The following MTG1 variants were observed in gnomAD, a reference collection of about 807,000 sequenced individuals.
MTG1 encodes the protein mitochondrial ribosome associated GTPase 1.
In MTG1, 30 loss-of-function variants were observed where a neutral mutation model predicts 39.5. The observed-to-expected ratio is 0.76, with a 90% CI of 0.57 to 1.03. The LOEUF is 1.03. MTG1 is among the 50% of genes least tolerant of loss of function. The pLI, the probability that MTG1 is intolerant of heterozygous loss-of-function variation, is 0.00. For synonymous variants in MTG1, 217 were observed against 179.0 expected (o/e 1.21, Z -1.69); for missense variants, 513 against 447.4 (o/e 1.15, Z -1.32).
chr10:133,416,214 G>C (rs1346586113), intron 9 of MTG1, among the ~76,000 whole-genome samples: 1 of 151,996 alleles, frequency 6.6e-6, no homozygotes, highest in Non-Finnish European at 1.5e-5. Context: ...ACTTCCGCAA[G>C]TTGAGTTTGG....
rs148124435 is a variant in MTG1 at position 133,420,123 on chromosome 10, C to G, written c.963C>G (p.Leu321=). 6.2e-6 allele frequency: 10 copies of G among 1,613,108 alleles called. No individual in the cohort carries two copies. Among genetic ancestry groups the G allele is most frequent in the East Asian group, 2.2e-5 (1 of 44,864 alleles). Reference sequence around the variant, plus strand: ...TGCTGGGTTCCGTGATGCTGGACCTCGACGTCCTGCGGGGCCACCCCCCGG... The same window carrying G: ...TGCTGGGTTCCGTGATGCTGGACCTGGACGTCCTGCGGGGCCACCCCCCGG... ...RGLLGSVMLD[L]DVLRGHPPAE... Residue 321 remains leucine (L), a synonymous_variant, in exon 11 of 11, where the codon CTC becomes CTG. Coordinates refer to ENST00000317502, the MANE Select transcript of MTG1 (RefSeq NM_138384.4).
At chr10:133,416,514 T>A (rs1164122588) in intron 9 of MTG1, among the ~76,000 whole-genome samples, 3 of 150,552 alleles carry the variant, frequency 2.0e-5, no homozygotes, top group Non-Finnish European at 4.4e-5. Context: ...TAACTCGTCA[T>A]TTAGCATTAG....
At chr10:133,403,341 T>C (rs2256307) in intron 9 of MTG1, among the ~76,000 whole-genome samples, 131 of 8,530 alleles carry the variant, frequency 0.015, 1 homozygote, top group Non-Finnish European at 0.026. Context: ...ATCAAGGAAA[T>C]GAGCGTTCCC....
At chr10:133,394,388 C>G in intron 1 of MTG1, 56 bp downstream of exon 1, 1 of 1,382,084 alleles carries the variant, frequency 7.2e-7, no homozygotes, top group Non-Finnish European at 9.4e-7. Flanking sequence ...GCCTCTGCTT[C>G]CCTCCCACCC....
Position 133,401,837 on chromosome 10 carries a change from G to C in MTG1, c.573+247G>C, listed in dbSNP as rs1283281778. The C allele has an allele frequency of 1.1e-5, 7 of 661,788 alleles. No homozygotes were observed. In the East Asian group the frequency reaches 1.6e-4, roughly 15 times the overall value. 41.0% of individuals were successfully genotyped at this position (661,788 alleles called of 1,614,324 possible). On this transcript the variant is annotated intron_variant, in intron 7 of 10. Transcript: ENST00000317502. ...TTCCAGATGAGGAGGCCACTGTCCAGGGCCATGCAGTGGTCAGGACAGACC... is the reference window on the plus strand; with the variant it reads ...TTCCAGATGAGGAGGCCACTGTCCACGGCCATGCAGTGGTCAGGACAGACC...
chr10:133,416,018 CGTG>C lies in MTG1; in HGVS notation c.753-3460_753-3458del, dbSNP rs1424433989. 1.6e-4 allele frequency among the ~76,000 whole-genome samples: 11 copies of C among 69,916 alleles called. No homozygotes were observed. In the East Asian group the frequency reaches 4.2e-3, roughly 27 times the overall value. The allele number at this position is 69,916 out of a possible 152,430, so 45.9% of individuals were successfully genotyped here. Reference sequence around the variant, plus strand: ...GTGTCGGGCAGGCGGGTGTCGGGCACGTGGGTGTCGGGCAGGCGGGCGTCGGGC... The same window carrying C: ...GTGTCGGGCAGGCGGGTGTCGGGCACGGTGTCGGGCAGGCGGGCGTCGGGC... On this transcript the variant is annotated intron_variant, in intron 9 of 10. Transcript: ENST00000317502.
Position 133,420,129 on chromosome 10 carries a change from C to G in MTG1, c.969C>G (p.Val323=). Residue 323 remains valine, a synonymous_variant, in exon 11 of 11, where the codon GTC becomes GTG. Transcript: ENST00000317502. ...LLGSVMLDLD[V]LRGHPPAETL... is the part of the protein sequence containing the mutation. Reference sequence around the variant, plus strand: ...GTTCCGTGATGCTGGACCTCGACGTCCTGCGGGGCCACCCCCCGGCTGAGA... The same window carrying G: ...GTTCCGTGATGCTGGACCTCGACGTGCTGCGGGGCCACCCCCCGGCTGAGA... The G allele has an allele frequency of 6.2e-7, 1 of 1,612,984 alleles. No homozygotes were observed. Among genetic ancestry groups the G allele is most frequent in the Non-Finnish European group, 8.5e-7 (1 of 1,179,620 alleles).
intron 1 of MTG1, among the ~76,000 whole-genome samples, chr10:133,394,980 G>A (rs1589906676): frequency 6.6e-6 from 1 of 152,316 alleles, no homozygotes; most frequent in Middle Eastern, 3.4e-3. Context: ...GGGGAAGAAA[G>A]CTGGAAGCTT....
chr10:133,416,494 C>T (rs941965354), intron 9 of MTG1, among the ~76,000 whole-genome samples: 2 of 150,990 alleles, frequency 1.3e-5, no homozygotes, highest in African/African-American at 4.9e-5. Flanking sequence ...TGCTGGTGTA[C>T]TGCACCCATT....
intron 9 of MTG1, among the ~76,000 whole-genome samples, chr10:133,418,648 G>T (rs1850172790): frequency 6.6e-6 from 1 of 152,130 alleles, no homozygotes; most frequent in South Asian, 2.1e-4. Flanking sequence ...GGGCCTTGGG[G>T]TGAGTCCTCT....
chr10:133,396,338 A>G, intron 3 of MTG1, 71 bp downstream of exon 3: 1 of 1,340,356 alleles, frequency 7.5e-7, no homozygotes, highest in African/African-American at 1.4e-5. Flanking sequence ...TTCTAACGGA[A>G]GAGTTGCCGG....
At chr10:133,401,714 G>T in intron 7 of MTG1, 124 bp downstream of exon 7, 1 of 905,246 alleles carries the variant, frequency 1.1e-6, no homozygotes, top group East Asian at 2.6e-5. Flanking sequence ...CAGTGTCCCC[G>T]CTGAGCACCC....
intron 3 of MTG1, 40 bp downstream of exon 3, chr10:133,396,307 G>A (rs1589907697): frequency 6.5e-7 from 1 of 1,541,144 alleles, no homozygotes; most frequent in East Asian, 2.3e-5. Context: ...CAGTGTGGCT[G>A]TGTTTTCCCG....
At chr10:133,415,331 A>G (rs1850109620) in intron 9 of MTG1, among the ~76,000 whole-genome samples, 1 of 152,078 alleles carries the variant, frequency 6.6e-6, no homozygotes, top group Non-Finnish European at 1.5e-5. Context: ...TTCCTTTAAC[A>G]TGTATTGTAA....
chr10:133,419,581 T>G lies in MTG1; in HGVS notation c.854T>G (p.Leu285Arg). The G allele has an allele frequency of 1.9e-6, 3 of 1,604,200 alleles. No individual in the cohort carries two copies. The highest frequency in any genetic ancestry group is 2.6e-6 in the Non-Finnish European group (3 of 1,175,800). The change falls in exon 10 of 11, where the codon CTC becomes CGC. Residue 285 changes from leucine (L) to arginine (R), a missense_variant. By Grantham distance (102) the Leu-to-Arg change is moderately radical (BLOSUM62 -2). Coordinates refer to ENST00000317502, the MANE Select transcript of MTG1 (RefSeq NM_138384.4). Reference sequence around the variant, plus strand: ...GGGAAGACGCAGAAGGTGAAGGTGCTCACGGGCACGGGTGAGTGAGGTCGC... The same window carrying G: ...GGGAAGACGCAGAAGGTGAAGGTGCGCACGGGCACGGGTGAGTGAGGTCGC... ...KLGKTQKVKV[L>R]TGTGNVNIIQ...
At chr10:133,419,648 C>G in intron 10 of MTG1, 56 bp downstream of exon 10, 2 of 1,409,808 alleles carry the variant, frequency 1.4e-6, no homozygotes. Flanking sequence ...CCTGGGGGAC[C>G]CCGGCCATCC....
At chr10:133,396,620 A>T (rs1258666806) in intron 3 of MTG1, among the ~76,000 whole-genome samples, 1 of 152,238 alleles carries the variant, frequency 6.6e-6, no homozygotes, top group African/African-American at 2.4e-5. Context: ...GTAATAAAAC[A>T]TATGAAATAA....
At chr10:133,398,987 G>T (rs1849828465) in intron 4 of MTG1, among the ~76,000 whole-genome samples, 183 bp from the exon 5 acceptor site, 1 of 152,178 alleles carries the variant, frequency 6.6e-6, no homozygotes, top group African/African-American at 2.4e-5. Flanking sequence ...CAGATGAAGG[G>T]TGACGCCCAG....
intron 9 of MTG1, 26 bp from the exon 10 acceptor site, chr10:133,419,454 G>A (rs781185076): frequency 5.8e-5 from 91 of 1,562,178 alleles, no homozygotes; most frequent in East Asian, 1.2e-4. Flanking sequence ...TGGGCCCCCT[G>A]GTGCTGACCT....
Sources: allele counts gnomAD v4.1 joint callset (sites outside exome capture counted in the v4.1 genomes callset), GRCh38; gene constraint gnomAD v4.1.1; transcripts MANE v1.5; gene names NCBI Gene and HGNC (gene_info 2026-07-23, HGNC 2026-07-21).